The following LRRC4C variants were observed in gnomAD, a reference collection of about 807,000 sequenced individuals.
LRRC4C encodes the protein leucine-rich repeat-containing protein 4C.
LRRC4C carries 5 observed loss-of-function variants against 33.6 expected under a neutral mutation model. The ratio of observed to expected loss-of-function variants is 0.15; its 90% CI spans 0.08 to 0.31. LRRC4C has a LOEUF of 0.31. Ranked by LOEUF, LRRC4C falls within the 10% of genes least tolerant of loss-of-function variation. LRRC4C has a pLI of 1.00. For synonymous variants in LRRC4C, 329 were observed against 302.0 expected, an observed-to-expected ratio of 1.09 and a Z score of -0.93; for missense variants, 560 against 796.7, an observed-to-expected ratio of 0.70 and a Z score of 3.58.
chr11:41,264,694 G>A (rs1949092629), intron 1 of LRRC4C, among the ~76,000 whole-genome samples: 1 of 152,096 alleles, frequency 6.6e-6, no homozygotes, highest in Non-Finnish European at 1.5e-5. Context: ...TAGATATCAG[G>A]CAAGATATCT....
At position 40,317,872 on chromosome 11, in the gene LRRC4C, C is replaced by T. The variant is rs1486196994; in HGVS notation, c.-176+1756G>A. Among the ~76,000 whole-genome samples, 3 of 151,974 alleles carry T rather than the reference C, an allele frequency of 2.0e-5. No individual in the cohort carries two copies. In the East Asian group the frequency reaches 5.8e-4, roughly 29 times the overall value. On this transcript the variant is annotated intron_variant, in intron 4 of 6. Transcript: ENST00000528697. ...GTTCCTCTTTTAGAGAGCAGAAGTC[C>T]ATATTCTCTGCAGCAGCAGCAACCT...
chr11:40,377,343 A>G (rs1479586117), intron 3 of LRRC4C, among the ~76,000 whole-genome samples: 5 of 152,178 alleles, frequency 3.3e-5, no homozygotes, highest in Non-Finnish European at 1.5e-5. Context: ...TATATAGTGT[A>G]CATCCTTATG....
At chr11:40,672,220 C>T (rs934848947) in intron 2 of LRRC4C, among the ~76,000 whole-genome samples, 1 of 152,144 alleles carries the variant, frequency 6.6e-6, no homozygotes, top group African/African-American at 2.4e-5. Context: ...AGATGATGCC[C>T]TCTCACTGTG....
At chr11:40,950,139 C>G (rs925971886) in intron 1 of LRRC4C, among the ~76,000 whole-genome samples, 6 of 151,492 alleles carry the variant, frequency 4.0e-5, no homozygotes, top group African/African-American at 1.5e-4. Flanking sequence ...CAAGGTCCCA[C>G]CCACCCCTCC....
Position 40,514,673 on chromosome 11 carries a change from T to C in LRRC4C, c.-270+133469A>G, listed in dbSNP as rs79525261. On this transcript the variant is annotated intron_variant, in intron 3 of 6. Coordinates refer to ENST00000528697, the MANE Select transcript of LRRC4C (RefSeq NM_001258419.2). ...CCTTCCATCTATTGTCTTCTTTGCA[T>C]AATTGCCATCAACCTCCCTTATATG... Among the ~76,000 whole-genome samples, 180 of 152,272 alleles carry C rather than the reference T, an allele frequency of 1.2e-3. 2 individuals are homozygous for C. In the East Asian group the frequency reaches 0.03, roughly 25 times the overall value.
intron 1 of LRRC4C, among the ~76,000 whole-genome samples, chr11:41,182,852 A>T (rs1456408594): frequency 6.6e-6 from 1 of 151,436 alleles, no homozygotes; most frequent in Non-Finnish European, 1.5e-5. Flanking sequence ...GCAATTTAAA[A>T]AAAAAAAAAA....
At chr11:41,437,396 C>A (rs1168667151) in intron 1 of LRRC4C, among the ~76,000 whole-genome samples, 1 of 144,456 alleles carries the variant, frequency 6.9e-6, no homozygotes, top group East Asian at 2.0e-4. Flanking sequence ...TTAAGACACA[C>A]ACGCACACAC....
intron 1 of LRRC4C, among the ~76,000 whole-genome samples, chr11:40,960,013 A>C: frequency 6.6e-6 from 1 of 151,654 alleles, no homozygotes; most frequent in Non-Finnish European, 1.5e-5. Context: ...CAGAACAGTC[A>C]ATTGATAAAG....
rs561389547 is a variant in LRRC4C at position 40,691,919 on chromosome 11, T to C, written c.-406-43641A>G. 7.2e-5 allele frequency among the ~76,000 whole-genome samples: 11 copies of C among 152,206 alleles called. No homozygotes were observed. The South Asian group carries it at 2.3e-3, about 31-fold the overall frequency. On this transcript the variant is annotated intron_variant, in intron 2 of 6. Coordinates refer to ENST00000528697, the MANE Select transcript of LRRC4C (RefSeq NM_001258419.2). ...GATGTGAGGTGCATTGGATTATTTT[T>C]GTTTCATCACTGTCTCCACAGACAG...
intron 1 of LRRC4C, among the ~76,000 whole-genome samples, chr11:41,246,368 A>C (rs1278855729): frequency 6.6e-6 from 1 of 152,148 alleles, no homozygotes; most frequent in African/African-American, 2.4e-5. Flanking sequence ...CTGAAATCAG[A>C]ACAGGCACTG....
intron 3 of LRRC4C, among the ~76,000 whole-genome samples, chr11:40,429,526 A>T (rs1277010063): frequency 6.6e-6 from 1 of 151,942 alleles, no homozygotes; most frequent in Non-Finnish European, 1.5e-5. Flanking sequence ...CTAAGGATTC[A>T]TCATGGATCT....
At chr11:40,596,404 A>T (rs1317034852) in intron 3 of LRRC4C, among the ~76,000 whole-genome samples, 4 of 152,082 alleles carry the variant, frequency 2.6e-5, no homozygotes, top group Admixed American at 2.0e-4. Flanking sequence ...AAATCAGGGC[A>T]TTTGGGGTAT....
intron 1 of LRRC4C, among the ~76,000 whole-genome samples, chr11:41,272,674 A>C (rs762349198): frequency 5.9e-5 from 9 of 152,204 alleles, no homozygotes; most frequent in East Asian, 1.9e-4. Flanking sequence ...AAGAATTAAA[A>C]TGAAGCTTGT....
At chr11:40,116,388 T>G in intron 6 of LRRC4C, 54 bp from the exon 7 acceptor site, 1 of 1,495,864 alleles carries the variant, frequency 6.7e-7, no homozygotes, top group African/African-American at 1.4e-5. Context: ...ATTCTAAGTG[T>G]CTTTCTGGAG....
At chr11:40,794,810 G>C (rs1039753237) in intron 2 of LRRC4C, among the ~76,000 whole-genome samples, 1 of 151,396 alleles carries the variant, frequency 6.6e-6, no homozygotes, top group Admixed American at 6.6e-5. Context: ...CTCAAAGTCC[G>C]TAACCAGGGC....
In LRRC4C at chr11:40,381,954, G is replaced by GTTTTT. The variant is rs34415574; in HGVS notation, c.-269-62238_-269-62234dup. 9.0e-4 allele frequency among the ~76,000 whole-genome samples: 77 copies of GTTTTT among 85,904 alleles called. 4 individuals are homozygous for GTTTTT. The highest frequency in any genetic ancestry group is 1.4e-3 in the East Asian group (4 of 2,784). 56.4% of individuals were successfully genotyped at this position (85,904 alleles called of 152,430 possible). On this transcript the variant is annotated intron_variant, in intron 3 of 6. Transcript: ENST00000528697. ...ATGGACAAAATGTTTATCAGTCAGC[G>GTTTTT]TTTTTTTTTTTTTTTTTTTTTTGAG...
chr11:41,130,033 T>A (rs757552737), intron 1 of LRRC4C, among the ~76,000 whole-genome samples: 1 of 151,990 alleles, frequency 6.6e-6, no homozygotes, highest in Non-Finnish European at 1.5e-5. Flanking sequence ...GACTAGATCC[T>A]CTTGACTGAG....
chr11:40,308,807 G>C (rs1945163160), intron 4 of LRRC4C, among the ~76,000 whole-genome samples: 1 of 152,222 alleles, frequency 6.6e-6, no homozygotes, highest in Non-Finnish European at 1.5e-5. Flanking sequence ...ATGAGATTAA[G>C]AGTGATAGAT....
Position 40,889,167 on chromosome 11 carries a change from A to G in LRRC4C, c.-407+44468T>C, listed in dbSNP as rs1353190191. 3.3e-5 allele frequency among the ~76,000 whole-genome samples: 5 copies of G among 152,082 alleles called. No homozygotes were observed. In the East Asian group the frequency reaches 9.6e-4, roughly 29 times the overall value. Reference sequence around the variant, plus strand: ...TTGCAGCATTAAATTTAAATGTTCAAGAAAAGAGTTAGATATGTTCAGGAA... The same window carrying G: ...TTGCAGCATTAAATTTAAATGTTCAGGAAAAGAGTTAGATATGTTCAGGAA... On this transcript the variant is annotated intron_variant, in intron 2 of 6. Transcript: ENST00000528697.
Sources: allele counts gnomAD v4.1 joint callset (sites outside exome capture counted in the v4.1 genomes callset), GRCh38; gene constraint gnomAD v4.1.1; transcripts MANE v1.5; gene names NCBI Gene and HGNC (gene_info 2026-07-23, HGNC 2026-07-21).